Variants in KCNT2 observed in about 807,000 individuals in gnomAD.
KCNT2 encodes potassium channel subfamily T member 2.
A neutral mutation model predicts 153.8 loss-of-function variants in KCNT2; 67 were observed. That is an observed-to-expected ratio of 0.44 (90% confidence interval 0.36 to 0.53). The LOEUF is 0.53. Ranked by LOEUF, KCNT2 falls within the 20% of genes least tolerant of loss-of-function variation. The pLI is 0.00. For missense variants in KCNT2, 975 were observed against 1,354.8 expected, an observed-to-expected ratio of 0.72 and a Z score of 4.40; for synonymous variants, 500 against 458.8, an observed-to-expected ratio of 1.09 and a Z score of -1.15.
At chr1:196,428,775 T>G (rs1673875387) in intron 9 of KCNT2, among the ~76,000 whole-genome samples, 1 of 152,050 alleles carries the variant, frequency 6.6e-6, no homozygotes, top group African/African-American at 2.4e-5. Flanking sequence ...TTTTTGCAGG[T>G]ATTCTATTCA....
At chr1:196,551,133 T>A (rs1306738509) in intron 1 of KCNT2, among the ~76,000 whole-genome samples, 1 of 151,812 alleles carries the variant, frequency 6.6e-6, no homozygotes, top group South Asian at 2.1e-4. Context: ...GGCTCCTCTA[T>A]GCCTACCACT....
At chr1:196,588,516 T>C (rs956797958) in intron 1 of KCNT2, among the ~76,000 whole-genome samples, 2 of 152,058 alleles carry the variant, frequency 1.3e-5, no homozygotes, top group African/African-American at 2.4e-5. Context: ...TACTGTCTTA[T>C]TGCAAACATT....
intron 1 of KCNT2, among the ~76,000 whole-genome samples, chr1:196,494,345 A>G (rs1252214340): frequency 6.6e-6 from 1 of 152,192 alleles, no homozygotes; most frequent in Non-Finnish European, 1.5e-5. Context: ...TATAAGAATG[A>G]GTCCATTTTT....
At chr1:196,542,879 A>C (rs1316878525) in intron 1 of KCNT2, among the ~76,000 whole-genome samples, 1 of 152,110 alleles carries the variant, frequency 6.6e-6, no homozygotes, top group Admixed American at 6.6e-5. Context: ...GAGTGAAGGA[A>C]ATATAAAAAA....
At chr1:196,581,802 T>A (rs1233571787) in intron 1 of KCNT2, among the ~76,000 whole-genome samples, 1 of 149,914 alleles carries the variant, frequency 6.7e-6, no homozygotes, top group Non-Finnish European at 1.5e-5. Context: ...TTTCTTCCAT[T>A]ACTTATGTTT....
Position 196,319,464 on chromosome 1 carries a change from C to A in KCNT2, c.2348+20G>T, listed in dbSNP as rs976028623. 1 of 1,583,760 alleles carries A rather than the reference C, an allele frequency of 6.3e-7. No homozygotes were observed. Among genetic ancestry groups the A allele is most frequent in the Non-Finnish European group, 8.7e-7 (1 of 1,153,916 alleles). On this transcript the variant is annotated intron_variant, in intron 20 of 27. Transcript: ENST00000294725. ...ACAGGACACTACACTAGTTAGTGTGCCAAAGATTTTGTCACCTACTTGTCA... is the reference window on the plus strand; with the variant it reads ...ACAGGACACTACACTAGTTAGTGTGACAAAGATTTTGTCACCTACTTGTCA...
At chr1:196,244,039 G>T (rs1655199033) in intron 26 of KCNT2, among the ~76,000 whole-genome samples, 2 of 151,980 alleles carry the variant, frequency 1.3e-5, no homozygotes, top group Admixed American at 6.6e-5. Context: ...AAGTCCCGAG[G>T]TCCACATTCC....
intron 8 of KCNT2, among the ~76,000 whole-genome samples, chr1:196,434,314 T>A (rs1674425388): frequency 6.6e-6 from 1 of 152,106 alleles, no homozygotes; most frequent in Non-Finnish European, 1.5e-5. Flanking sequence ...ATATTTTTAA[T>A]GATTCAAATA....
intron 2 of KCNT2, among the ~76,000 whole-genome samples, chr1:196,490,217 T>C (rs1679752824): frequency 1.3e-5 from 2 of 151,668 alleles, no homozygotes; most frequent in African/African-American, 2.4e-5. Flanking sequence ...AGCCACAAAA[T>C]TTGTGTCCAA....
chr1:196,454,913 G>A (rs957296482), intron 8 of KCNT2, among the ~76,000 whole-genome samples: 22 of 151,902 alleles, frequency 1.4e-4, no homozygotes, highest in African/African-American at 4.3e-4. Flanking sequence ...GAAGCTCTAG[G>A]GGAGAATCTG....
intron 14 of KCNT2, among the ~76,000 whole-genome samples, chr1:196,346,083 T>G (rs1666120890): frequency 6.6e-6 from 1 of 152,108 alleles, no homozygotes. Flanking sequence ...ATAATATTCT[T>G]ATACCTTTTG....
In KCNT2 at chr1:196,281,987, G is replaced by C. The variant is rs887451110; in HGVS notation, c.2781+286C>G. ...GATGGTCTCTAACTCCTGACCTCAT[G>C]ATCCACCCGCCTCAGCCTCCCAAAG... On this transcript the variant is annotated intron_variant, in intron 24 of 27. Transcript: ENST00000294725. 5.9e-5 allele frequency among the ~76,000 whole-genome samples: 9 copies of C among 151,934 alleles called. No homozygotes were observed. The South Asian group carries it at 1.9e-3, about 32-fold the overall frequency.
intron 21 of KCNT2, among the ~76,000 whole-genome samples, chr1:196,310,335 C>T (rs1662043898): frequency 6.6e-6 from 1 of 151,748 alleles, no homozygotes; most frequent in African/African-American, 2.4e-5. Flanking sequence ...TGACTATCAA[C>T]ACTAAAACAA....
At chr1:196,604,146 C>T (rs1665053844) in intron 1 of KCNT2, among the ~76,000 whole-genome samples, 1 of 152,146 alleles carries the variant, frequency 6.6e-6, no homozygotes, top group Non-Finnish European at 1.5e-5. Context: ...TATTTTCAAG[C>T]AAATGCTGAA....
rs1670094834 is a variant in KCNT2, at chr1:196,387,485, A to C, written c.1294+11078T>G. Reference sequence around the variant, plus strand: ...ATTTTAAGCTTTCCTTGATGCCTGCATTTTTTTCCCTTAATAGCCATCTAA... The same window carrying C: ...ATTTTAAGCTTTCCTTGATGCCTGCCTTTTTTTCCCTTAATAGCCATCTAA... On this transcript the variant is annotated intron_variant, in intron 13 of 27. Transcript: ENST00000294725. Among the ~76,000 whole-genome samples the C allele has an allele frequency of 2.0e-5, 3 of 151,874 alleles. No homozygotes were observed. The South Asian group carries it at 6.2e-4, about 32-fold the overall frequency.
chr1:196,280,821 A>G (rs1437076586), intron 25 of KCNT2, 39 bp downstream of exon 25: 4 of 1,577,098 alleles, frequency 2.5e-6, no homozygotes, highest in Non-Finnish European at 3.5e-6. Flanking sequence ...CACTCATCAG[A>G]TTAAACATCA....
intron 17 of KCNT2, among the ~76,000 whole-genome samples, chr1:196,332,255 C>T (rs529255903): frequency 3.3e-4 from 50 of 152,162 alleles, no homozygotes; most frequent in Non-Finnish European, 1.3e-4. Context: ...ACATCTCTTT[C>T]GTTTTTCTAG....
chr1:196,564,360 T>G (rs1469991013), intron 1 of KCNT2, among the ~76,000 whole-genome samples: 1 of 151,726 alleles, frequency 6.6e-6, no homozygotes, highest in Non-Finnish European at 1.5e-5. Flanking sequence ...AAGAAACAAA[T>G]AAACAGAAAA....
At chr1:196,440,339 G>A (rs1250658107) in intron 8 of KCNT2, among the ~76,000 whole-genome samples, 1 of 151,908 alleles carries the variant, frequency 6.6e-6, no homozygotes, top group East Asian at 1.9e-4. Flanking sequence ...ACAAGATTCT[G>A]CAGTCAAATA....
Sources: gnomAD v4.1 joint callset for allele counts (sites outside exome capture counted in the v4.1 genomes callset) on GRCh38, gnomAD v4.1.1 for gene constraint, MANE v1.5 for transcripts, NCBI Gene and HGNC (gene_info 2026-07-23, HGNC 2026-07-21) for gene names.